Variants in PTPRD observed in about 807,000 individuals in gnomAD.
The protein encoded by PTPRD is receptor-type tyrosine-protein phosphatase delta.
Under a neutral mutation model 214.5 loss-of-function variants are expected in PTPRD, and 34 were observed. That is an observed-to-expected ratio of 0.16 (90% CI 0.12 to 0.21). PTPRD has a LOEUF of 0.21. PTPRD is among the 10% of genes least tolerant of loss of function. The pLI, the probability that PTPRD is intolerant of heterozygous loss-of-function variation, is 1.00. For missense variants in PTPRD, 2,545 were observed against 2,398.7 expected (o/e 1.06, Z -1.27); for synonymous variants, 1,128 against 845.7 (o/e 1.33, Z -5.79).
At chr9:9,929,609 G>C (rs940785184) in intron 5 of PTPRD, among the ~76,000 whole-genome samples, 2 of 152,126 alleles carry the variant, frequency 1.3e-5, no homozygotes, top group Non-Finnish European at 2.9e-5. Flanking sequence ...GGCCAGGATA[G>C]TCTCAATCTC....
rs112701936 is a variant in PTPRD at position 10,307,189 on chromosome 9, T to G, written c.-545+33774A>C. 7.3e-4 allele frequency among the ~76,000 whole-genome samples: 103 copies of G among 141,186 alleles called. 3 individuals are homozygous for G. Among genetic ancestry groups the G allele is most frequent in the African/African-American group, 2.4e-3 (80 of 33,328 alleles). 92.6% of individuals were successfully genotyped at this position (141,186 alleles called of 152,430 possible). On this transcript the variant is annotated intron_variant, in intron 3 of 45. Coordinates refer to ENST00000381196, the MANE Select transcript of PTPRD (RefSeq NM_002839.4). ...TATTCCTTCTATCGAAATGTATGTT[T>G]TTACCAATTAAATAACCTGTTTTCA...
chr9:9,584,121 A>G (rs2091436861), intron 7 of PTPRD, among the ~76,000 whole-genome samples: 1 of 151,848 alleles, frequency 6.6e-6, no homozygotes, highest in Non-Finnish European at 1.5e-5. Context: ...CATCCCAAAA[A>G]CATGCATCAG....
chr9:9,426,288 G>A (rs1056282957), intron 8 of PTPRD, among the ~76,000 whole-genome samples: 4 of 152,190 alleles, frequency 2.6e-5, no homozygotes, highest in Admixed American at 6.5e-5. Flanking sequence ...AGGGTCCCAC[G>A]CCCATGGAGC....
At chr9:8,858,796 A>AACACACACACAC (rs71317379) in intron 11 of PTPRD, among the ~76,000 whole-genome samples, 1,896 of 141,822 alleles carry the variant, frequency 0.013, 38 homozygotes, top group East Asian at 0.082. Flanking sequence ...TGAAGGAGGC[A>AACACACACACAC]ACACACACAC....
intron 3 of PTPRD, among the ~76,000 whole-genome samples, chr9:10,297,347 C>T (rs2095710416): frequency 6.6e-6 from 1 of 151,814 alleles, no homozygotes; most frequent in African/African-American, 2.4e-5. Flanking sequence ...TTTTGTCCTT[C>T]AATTTTGTAT....
intron 7 of PTPRD, among the ~76,000 whole-genome samples, chr9:9,636,068 C>T (rs1330078187): frequency 6.6e-6 from 1 of 152,106 alleles, no homozygotes; most frequent in Non-Finnish European, 1.5e-5. Context: ...CAGTCAAAGC[C>T]CCACCACACT....
intron 5 of PTPRD, among the ~76,000 whole-genome samples, chr9:9,912,405 T>C (rs114163125): frequency 0.011 from 1,632 of 152,318 alleles, 24 homozygotes; most frequent in African/African-American, 0.037. Flanking sequence ...ACTTTGATTA[T>C]GCTGTAAATT....
chr9:10,016,971 C>CATTT (rs1402900009), intron 4 of PTPRD, among the ~76,000 whole-genome samples: 1 of 152,090 alleles, frequency 6.6e-6, no homozygotes, highest in African/African-American at 2.4e-5. Flanking sequence ...TCCTATTGTA[C>CATTT]ATTTGTAAGC....
rs138004685 is a variant in PTPRD, at chr9:9,966,238, A to C, written c.-471-27628T>G. 8.4e-3 allele frequency among the ~76,000 whole-genome samples: 1,278 copies of C among 152,276 alleles called. 13 individuals are homozygous for C. The highest frequency in any genetic ancestry group is 0.029 in the African/African-American group (1,186 of 41,550). ...CAACACAAGGAAAGATTTATTCTCAACTTCTAATTTATCAATAAAATATAT... is the reference window on the plus strand; with the variant it reads ...CAACACAAGGAAAGATTTATTCTCACCTTCTAATTTATCAATAAAATATAT... On this transcript the variant is annotated intron_variant, in intron 4 of 45. Transcript: ENST00000381196.
At chr9:9,114,078 T>A (rs2099809784) in intron 10 of PTPRD, among the ~76,000 whole-genome samples, 1 of 152,156 alleles carries the variant, frequency 6.6e-6, no homozygotes, top group Non-Finnish European at 1.5e-5. Context: ...ACAGAAGAGC[T>A]ATAAACCATA....
chr9:10,109,123 G>C (rs559844776), intron 3 of PTPRD, among the ~76,000 whole-genome samples: 9 of 152,280 alleles, frequency 5.9e-5, no homozygotes, highest in African/African-American at 2.2e-4. Flanking sequence ...TAAGTAGTCA[G>C]CAAAGTTGAT....
At position 8,504,412 on chromosome 9, in the gene PTPRD, G is replaced by C. The variant is rs2137241067; in HGVS notation, c.1678-7C>G. The C allele has an allele frequency of 1.2e-6, 2 of 1,613,938 alleles. No homozygotes were observed. The highest frequency in any genetic ancestry group is 1.7e-6 in the Non-Finnish European group (2 of 1,179,906). ...GCTCAATGGTAATTCGTTGCTGGAA[G>C]CAATAAGAGAATGTGGTCATCTTCA... On this transcript the variant is annotated splice_region_variant and splice_polypyrimidine_tract_variant and intron_variant, in intron 22 of 45. Coordinates refer to ENST00000381196, the MANE Select transcript of PTPRD (RefSeq NM_002839.4).
intron 37 of PTPRD, among the ~76,000 whole-genome samples, chr9:8,378,892 C>T (rs2084068317): frequency 6.6e-6 from 1 of 152,066 alleles, no homozygotes. Context: ...AAATCTTCTC[C>T]ATTCCTAAGA....
intron 12 of PTPRD, among the ~76,000 whole-genome samples, chr9:8,723,604 C>T (rs61188633): frequency 0.098 from 14,884 of 152,142 alleles, 2,251 homozygotes; most frequent in African/African-American, 0.32. Flanking sequence ...TGAAATGTTA[C>T]TGAAATTTGT....
chr9:10,511,852 CTGTGTGTG>C (rs201439443), intron 2 of PTPRD, among the ~76,000 whole-genome samples: 16 of 107,152 alleles, frequency 1.5e-4, no homozygotes, highest in African/African-American at 3.8e-4. Flanking sequence ...ATATACATAT[CTGTGTGTG>C]TGTGTGTGTG....
At chr9:8,685,124 T>A (rs2097652417) in intron 12 of PTPRD, among the ~76,000 whole-genome samples, 1 of 152,062 alleles carries the variant, frequency 6.6e-6, no homozygotes, top group African/African-American at 2.4e-5. Flanking sequence ...TAAAAAGACA[T>A]CCTTATATTC....
chr9:9,777,769 G>C lies in PTPRD; in HGVS notation c.-367-10918C>G, dbSNP rs543175964. On this transcript the variant is annotated intron_variant, in intron 5 of 45. Transcript: ENST00000381196. The stretch of plus-strand genomic sequence containing the variant: ...ATATTGTATACTAATATTAAAGAAG[G>C]TTTTAATGGTTTTTTTTGTAAAATG... Among the ~76,000 whole-genome samples the C allele has an allele frequency of 2.5e-3, 381 of 152,252 alleles. 2 individuals are homozygous for C. The highest frequency in any genetic ancestry group is 4.4e-3 in the Non-Finnish European group (298 of 68,010).
chr9:10,438,545 C>A (rs76130562), intron 2 of PTPRD, among the ~76,000 whole-genome samples: 2 of 151,564 alleles, frequency 1.3e-5, no homozygotes, highest in African/African-American at 4.8e-5. Flanking sequence ...CCGCCACTCC[C>A]AAGGTTGTCT....
intron 9 of PTPRD, among the ~76,000 whole-genome samples, chr9:9,269,020 C>A (rs1280232728): frequency 6.7e-6 from 1 of 150,248 alleles, no homozygotes; most frequent in Admixed American, 6.7e-5. Flanking sequence ...GGAAACACAT[C>A]AAGCTGAAAA....
Sources: gnomAD v4.1 joint callset for allele counts (sites outside exome capture counted in the v4.1 genomes callset) on GRCh38, gnomAD v4.1.1 for gene constraint, MANE v1.5 for transcripts, NCBI Gene and HGNC (gene_info 2026-07-23, HGNC 2026-07-21) for gene names.